The following ADCY2 variants were observed in gnomAD, a reference collection of about 807,000 sequenced individuals.
ADCY2 encodes adenylate cyclase 2.
Under a neutral mutation model 125.2 loss-of-function variants are expected in ADCY2, and 31 were observed. The ratio of observed to expected loss-of-function variants is 0.25; its 90% CI spans 0.19 to 0.33. The LOEUF is 0.33. Ranked by LOEUF, ADCY2 falls within the 10% of genes least tolerant of loss-of-function variation. The pLI is 1.00. For synonymous variants in ADCY2, 512 were observed against 548.4 expected, an observed-to-expected ratio of 0.93 and a Z score of 0.93; for missense variants, 904 against 1,418.2, an observed-to-expected ratio of 0.64 and a Z score of 5.82.
chr5:7,426,586 G>C (rs561120132), intron 2 of ADCY2, among the ~76,000 whole-genome samples: 1 of 152,134 alleles, frequency 6.6e-6, no homozygotes, highest in Non-Finnish European at 1.5e-5. Context: ...GTTGCACTGG[G>C]GATTAAGTTT....
intron 3 of ADCY2, among the ~76,000 whole-genome samples, chr5:7,625,408 G>A (rs1738086146): frequency 1.3e-5 from 2 of 152,224 alleles, no homozygotes; most frequent in Non-Finnish European, 2.9e-5. Flanking sequence ...TGAGAATACA[G>A]AGGAAAATGG....
intron 15 of ADCY2, among the ~76,000 whole-genome samples, chr5:7,753,097 C>A (rs1200858630): frequency 1.3e-5 from 2 of 152,062 alleles, no homozygotes; most frequent in African/African-American, 4.8e-5. Flanking sequence ...CAGGGTTTCA[C>A]CATGTTGGCC....
intron 3 of ADCY2, among the ~76,000 whole-genome samples, chr5:7,526,426 C>G (rs1466522189): frequency 6.6e-6 from 1 of 150,986 alleles, no homozygotes; most frequent in South Asian, 2.1e-4. Flanking sequence ...TTATAGTTTA[C>G]AACAATTCAT....
chr5:7,747,945 C>G (rs1167072908), intron 15 of ADCY2, among the ~76,000 whole-genome samples: 1 of 152,234 alleles, frequency 6.6e-6, no homozygotes, highest in East Asian at 1.9e-4. Flanking sequence ...CATTCCACCC[C>G]CATTCTCACC....
chr5:7,626,532 GT>G (rs1738133758), intron 4 of ADCY2, among the ~76,000 whole-genome samples: 1 of 152,150 alleles, frequency 6.6e-6, no homozygotes, highest in African/African-American at 2.4e-5. Flanking sequence ...AGGTTTATTA[GT>G]CTCATGGTTC....
At chr5:7,482,002 T>C (rs1279307659) in intron 2 of ADCY2, among the ~76,000 whole-genome samples, 1 of 152,210 alleles carries the variant, frequency 6.6e-6, no homozygotes, top group African/African-American at 2.4e-5. Flanking sequence ...GGAAGTTAGT[T>C]TGAGATGAAG....
At chr5:7,558,979 C>T (rs929294264) in intron 3 of ADCY2, among the ~76,000 whole-genome samples, 10 of 152,054 alleles carry the variant, frequency 6.6e-5, no homozygotes, top group African/African-American at 2.2e-4. Flanking sequence ...AAAGATCAGA[C>T]AGTTGCAGGT....
In ADCY2 at chr5:7,551,298, A is replaced by T. The variant is rs189186456; in HGVS notation, c.570+30399A>T. Among the ~76,000 whole-genome samples, 9 of 152,286 alleles carry T rather than the reference A, an allele frequency of 5.9e-5. No homozygotes were observed. The East Asian group carries it at 1.7e-3, about 29-fold the overall frequency. ...TGAGTTCATGACAGTTAGGATTCAG[A>T]GCCTGCACTATTTATGTTCACAGTT... is the stretch of plus-strand genomic sequence containing the variant. On this transcript the variant is annotated intron_variant, in intron 3 of 24. Coordinates refer to ENST00000338316, the MANE Select transcript of ADCY2 (RefSeq NM_020546.3).
intron 3 of ADCY2, among the ~76,000 whole-genome samples, chr5:7,539,646 T>C (rs1734932409): frequency 1.3e-5 from 2 of 152,348 alleles, no homozygotes; most frequent in Non-Finnish European, 2.9e-5. Context: ...GATTTGTGCA[T>C]GTTCCAGAAC....
intron 8 of ADCY2, 35 bp downstream of exon 8, chr5:7,706,937 G>A (rs1484833663): frequency 6.2e-7 from 1 of 1,612,270 alleles, no homozygotes; most frequent in African/African-American, 1.3e-5. Context: ...TCTTCAAGCA[G>A]GCAGAACTAT....
intron 3 of ADCY2, among the ~76,000 whole-genome samples, chr5:7,589,337 CAAAGT>C (rs1303501704): frequency 1.1e-5 from 1 of 90,002 alleles, no homozygotes; most frequent in Non-Finnish European, 2.2e-5. Context: ...TATGCATAGA[CAAAGT>C]AAAAAAGACT....
chr5:7,582,816 G>T (rs1349206853), intron 3 of ADCY2, among the ~76,000 whole-genome samples: 3 of 152,002 alleles, frequency 2.0e-5, no homozygotes, highest in Non-Finnish European at 4.4e-5. Context: ...CTAAAGTCTG[G>T]AACAAGGAAC....
chr5:7,551,690 A>C (rs1435752905), intron 3 of ADCY2, among the ~76,000 whole-genome samples: 1 of 152,166 alleles, frequency 6.6e-6, no homozygotes, highest in East Asian at 1.9e-4. Flanking sequence ...ATCCAAACAA[A>C]ACCAGTATCA....
chr5:7,547,913 A>G (rs1390141825), intron 3 of ADCY2, among the ~76,000 whole-genome samples: 1 of 152,168 alleles, frequency 6.6e-6, no homozygotes, highest in African/African-American at 2.4e-5. Context: ...ACAGCATTAC[A>G]CTATTTCCTG....
intron 3 of ADCY2, among the ~76,000 whole-genome samples, chr5:7,539,933 G>A (rs1734940158): frequency 6.6e-6 from 1 of 152,220 alleles, no homozygotes; most frequent in Admixed American, 6.5e-5. Context: ...ACTCTCTGCT[G>A]TTAAAATTAT....
intron 3 of ADCY2, among the ~76,000 whole-genome samples, chr5:7,614,051 G>A (rs1351761415): frequency 6.6e-6 from 1 of 152,200 alleles, no homozygotes; most frequent in Non-Finnish European, 1.5e-5. Flanking sequence ...AATTTGACCA[G>A]TTTGAGCAAT....
intron 2 of ADCY2, among the ~76,000 whole-genome samples, chr5:7,489,286 C>G (rs2126485517): frequency 6.6e-6 from 1 of 152,300 alleles, no homozygotes; most frequent in Admixed American, 6.5e-5. Context: ...TGGCACTCGC[C>G]AATCCAGGGA....
chr5:7,536,721 A>G (rs1302509260), intron 3 of ADCY2, among the ~76,000 whole-genome samples: 1 of 152,006 alleles, frequency 6.6e-6, no homozygotes, highest in Non-Finnish European at 1.5e-5. Context: ...TCAGCGAACT[A>G]TCACAGAAAA....
rs76299151 is a variant in ADCY2, at chr5:7,654,290, G to C, written c.720+27974G>C. The stretch of plus-strand genomic sequence containing the variant: ...GTGTCCTAACAAGAGGAGCTCTGGT[G>C]GGGTGGCGGGGAGAAGCCTCACTGC... On this transcript the variant is annotated intron_variant, in intron 4 of 24. Coordinates refer to ENST00000338316, the MANE Select transcript of ADCY2 (RefSeq NM_020546.3). 2,111 of 373,954 alleles carry C rather than the reference G, an allele frequency of 5.6e-3. 15 individuals carry two copies. The highest frequency in any genetic ancestry group is 0.015 in the Middle Eastern group (15 of 1,024). 23.2% of individuals were successfully genotyped at this position (373,954 alleles called of 1,614,324 possible). A position where few individuals can be genotyped will look rare whatever the true frequency, so the allele number is the denominator to read the frequency against.
Sources: gnomAD v4.1 joint callset for allele counts (sites outside exome capture counted in the v4.1 genomes callset) on GRCh38, gnomAD v4.1.1 for gene constraint, MANE v1.5 for transcripts, NCBI Gene and HGNC (gene_info 2026-07-23, HGNC 2026-07-21) for gene names.